The following DBNL variants were observed in gnomAD, a reference collection of about 807,000 sequenced individuals.
The protein encoded by DBNL is drebrin like.
Under a neutral mutation model 62.2 loss-of-function variants are expected in DBNL, and 35 were observed. The ratio of observed to expected loss-of-function variants is 0.56; its 90% CI spans 0.43 to 0.75. DBNL has a LOEUF of 0.75. Ranked by LOEUF, DBNL falls within the 30% of genes least tolerant of loss-of-function variation. The pLI is 0.00. For missense variants in DBNL, 495 were observed against 578.4 expected (o/e 0.86, Z 1.48); for synonymous variants, 197 against 218.0 (o/e 0.90, Z 0.85).
chr7:44,050,482 G>A (rs1011149829), intron 2 of DBNL: 1 of 494,504 alleles, frequency 2.0e-6, no homozygotes. Flanking sequence ...GTGCAGGGGA[G>A]TGCTTTCTCT....
Position 44,062,692 on chromosome 7 carries a change from G to C in DBNL, c.*1776G>C. ...GAGTCCCCACAGCTGATGGCGGTGT[G>C]AGCCTGGCATGCACGGCTGCGCTGG... is the stretch of plus-strand genomic sequence containing the variant. On this transcript the variant is annotated 3_prime_UTR_variant, in exon 13 of 13. Transcript: ENST00000448521. The C allele has an allele frequency of 6.6e-7, 1 of 1,521,186 alleles. No individual in the cohort carries two copies. 94.2% of individuals were successfully genotyped at this position (1,521,186 alleles called of 1,614,324 possible). A position where few individuals can be genotyped will look rare whatever the true frequency, so the allele number is the denominator to read the frequency against.
intron 1 of DBNL, 79 bp downstream of exon 1, chr7:44,044,899 GGGGAGC>G: frequency 7.6e-7 from 1 of 1,322,552 alleles, no homozygotes; most frequent in South Asian, 1.7e-5. Context: ...GGGGACTCGG[GGGGAGC>G]GGGAGCGCGA....
chr7:44,054,171 GT>G (rs539431440), intron 4 of DBNL, among the ~76,000 whole-genome samples: 2 of 151,868 alleles, frequency 1.3e-5, no homozygotes, highest in African/African-American at 4.8e-5. Context: ...TTTTATCAGA[GT>G]TTTTTTTAAT....
intron 1 of DBNL, among the ~76,000 whole-genome samples, chr7:44,048,294 G>T (rs2096120804): frequency 6.6e-6 from 1 of 152,246 alleles, no homozygotes; most frequent in Admixed American, 6.5e-5. Context: ...TCTTCTGGGA[G>T]CCAGGGCTTT....
chr7:44,060,220 G>T lies in DBNL; in HGVS notation c.1153+67G>T. On this transcript the variant is annotated intron_variant, in intron 12 of 12. Coordinates refer to ENST00000448521, the MANE Select transcript of DBNL (RefSeq NM_001014436.3). The surrounding 1 kb of genome is among the most constrained non-coding windows in gnomAD (Gnocchi z 6.3). ...GAGGTTAGGAGACAAGAGGGTCTGG[G>T]GTTTTATGGGAAGATGGCACCAGGG... The T allele has an allele frequency of 7.0e-7, 1 of 1,435,554 alleles. No individual in the cohort carries two copies. The allele number at this position is 1,435,554 out of a possible 1,614,324, so 88.9% of individuals were successfully genotyped here.
Position 44,064,631 on chromosome 7 carries a change from G to A in DBNL, c.*3715G>A. The A allele has an allele frequency of 1.6e-6, 1 of 614,952 alleles. No homozygotes were observed. The highest frequency in any genetic ancestry group is 2.9e-6 in the Non-Finnish European group (1 of 342,812). The allele number at this position is 614,952 out of a possible 1,614,324, so 38.1% of individuals were successfully genotyped here. A position where few individuals can be genotyped will look rare whatever the true frequency, so the allele number is the denominator to read the frequency against. On this transcript the variant is annotated 3_prime_UTR_variant, in exon 13 of 13. Transcript: ENST00000448521. Reference sequence around the variant, plus strand: ...CGAGCTTCGAGTGCAGTCAGCCCCTGTGGAGTGTGTCCCAGTTACACAGAA... The same window carrying A: ...CGAGCTTCGAGTGCAGTCAGCCCCTATGGAGTGTGTCCCAGTTACACAGAA...
At position 44,058,435 on chromosome 7, in the gene DBNL, G is replaced by C. The variant is rs200151625; in HGVS notation, c.708G>C (p.Thr236=). The change falls in exon 8 of 13, where the codon ACG becomes ACC. Residue 236 remains threonine (T), a synonymous_variant. Transcript: ENST00000448521. The stretch of plus-strand genomic sequence containing the variant: ...CCCACCCGGCCCTTCCCAGCAGGAC[G>C]TGGGAGCAGCAGCAAGAAGTGGTTT... ...EQGGEASPQR[T]WEQQQEVVSR... 6 of 1,614,230 alleles carry C rather than the reference G, an allele frequency of 3.7e-6. No homozygotes were observed. In the South Asian group the frequency reaches 6.6e-5, roughly 18 times the overall value.
chr7:44,058,914 C>T lies in DBNL; in HGVS notation c.766C>T (p.His256Tyr), dbSNP rs760023504. 1.9e-6 allele frequency: 3 copies of T among 1,613,874 alleles called. No homozygotes were observed. Among genetic ancestry groups the T allele is most frequent in the South Asian group, 1.1e-5 (1 of 91,060 alleles). Residue 256 changes from histidine to tyrosine, a missense_variant, in exon 9 of 13, where the codon CAC (histidine) becomes TAC (tyrosine). Transcript: ENST00000448521. ...TGCTTCCCTCCAGGAGTCTGCCGTG[C>T]ACCCGAGGGAGATTTTCAAGCAGAA... ...RNRNEQESAV[H>Y]PREIFKQKER...
At position 44,063,106 on chromosome 7, in the gene DBNL, C is replaced by T. The variant is rs556387079; in HGVS notation, c.*2190C>T. 4.4e-6 allele frequency: 3 copies of T among 686,066 alleles called. No individual in the cohort carries two copies. In the Admixed American group the frequency reaches 6.4e-5, roughly 15 times the overall value. The allele number at this position is 686,066 out of a possible 1,614,324, so 42.5% of individuals were successfully genotyped here. A position where few individuals can be genotyped will look rare whatever the true frequency, so the allele number is the denominator to read the frequency against. On this transcript the variant is annotated 3_prime_UTR_variant, in exon 13 of 13. Coordinates refer to ENST00000448521, the MANE Select transcript of DBNL (RefSeq NM_001014436.3). ...AGGTCAAGGAGTAACTGAGTTAGACCAAGCAGCCTACAGAAATAGCCCAGT... is the reference window on the plus strand; with the variant it reads ...AGGTCAAGGAGTAACTGAGTTAGACTAAGCAGCCTACAGAAATAGCCCAGT...
rs979933628 is a variant in DBNL, at chr7:44,064,375, G to A, written c.*3459G>A. ...CATGCAGGGATTCTGAGGACCTGAT[G>A]GGGGAGGGCCCTGCGAGGGGTCCAA... On this transcript the variant is annotated 3_prime_UTR_variant, in exon 13 of 13. Transcript: ENST00000448521. The A allele has an allele frequency of 9.0e-6, 2 of 223,348 alleles. No individual in the cohort carries two copies. The highest frequency in any genetic ancestry group is 4.6e-5 in the African/African-American group (2 of 43,232). The allele number at this position is 223,348 out of a possible 1,614,324, so 13.8% of individuals were successfully genotyped here.
In DBNL at chr7:44,065,132, T is replaced by C. The variant is rs750024442; in HGVS notation, c.*4216T>C. On this transcript the variant is annotated 3_prime_UTR_variant, in exon 13 of 13. Coordinates refer to ENST00000448521, the MANE Select transcript of DBNL (RefSeq NM_001014436.3). ...GCAGCCCACCTTGCTAATGGAGTTG[T>C]AGTAGGGGTGCTTCTCGTCCATCGG... 6.2e-7 allele frequency: 1 copy of C among 1,613,926 alleles called. No individual in the cohort carries two copies. The highest frequency in any genetic ancestry group is 1.1e-5 in the South Asian group (1 of 91,078).
Position 44,064,793 on chromosome 7 carries a change from G to GGCCCCCCCCCCCCCCCCCCCCCCAC in DBNL, c.*3877_*3878insGCCCCCCCCCCCCCCCCCCCCCCAC. Reference sequence around the variant, plus strand: ...AGATGAGAAGCCAGCTGGGGCTGCTGCCCACCCACCCTGCCCAGGCTCCTG... The same window carrying GGCCCCCCCCCCCCCCCCCCCCCCAC: ...AGATGAGAAGCCAGCTGGGGCTGCTGGCCCCCCCCCCCCCCCCCCCCCCACCCCACCCACCCTGCCCAGGCTCCTG... On this transcript the variant is annotated 3_prime_UTR_variant, in exon 13 of 13. Coordinates refer to ENST00000448521, the MANE Select transcript of DBNL (RefSeq NM_001014436.3). The GGCCCCCCCCCCCCCCCCCCCCCCAC allele has an allele frequency of 8.8e-7, 1 of 1,136,982 alleles. No individual in the cohort carries two copies. The highest frequency in any genetic ancestry group is 1.3e-6 in the Non-Finnish European group (1 of 773,400). 70.4% of individuals were successfully genotyped at this position (1,136,982 alleles called of 1,614,324 possible).
At position 44,062,867 on chromosome 7, in the gene DBNL, A is replaced by G; in HGVS notation, c.*1951A>G. 6.2e-7 allele frequency: 1 copy of G among 1,614,162 alleles called. No individual in the cohort carries two copies. Among genetic ancestry groups the G allele is most frequent in the Non-Finnish European group, 8.5e-7 (1 of 1,180,016 alleles). On this transcript the variant is annotated 3_prime_UTR_variant, in exon 13 of 13. Coordinates refer to ENST00000448521, the MANE Select transcript of DBNL (RefSeq NM_001014436.3). ...CTTGGTGGGCTTCAGCTCCTTGTTC[A>G]GCTCATACACAATGGGGATCCCCGT...
rs923267503 is a variant in DBNL at position 44,059,713 on chromosome 7, T to A, written c.1047+55T>A. ...GAAGGGGCTGCATACTCAGGAACACTTATCACGGGCCGCCTGAGTTTTCTG... is the reference window on the plus strand; with the variant it reads ...GAAGGGGCTGCATACTCAGGAACACATATCACGGGCCGCCTGAGTTTTCTG... On this transcript the variant is annotated intron_variant, in intron 11 of 12. Coordinates refer to ENST00000448521, the MANE Select transcript of DBNL (RefSeq NM_001014436.3). This position sits in a 1 kb window ranked among gnomAD's most constrained non-coding sequence, Gnocchi z 4.1. 1 of 1,486,196 alleles carries A rather than the reference T, an allele frequency of 6.7e-7. No individual in the cohort carries two copies. Among genetic ancestry groups the A allele is most frequent in the African/African-American group, 1.4e-5 (1 of 71,734 alleles). The allele number at this position is 1,486,196 out of a possible 1,614,324, so 92.1% of individuals were successfully genotyped here.
Position 44,064,485 on chromosome 7 carries a change from C to T in DBNL, c.*3569C>T, listed in dbSNP as rs978013582. ...AGGCCCAGAGATGGAGGTGGCTTGTCCAGGGCCCCACAGTAAGTTGGGATT... is the reference window on the plus strand; with the variant it reads ...AGGCCCAGAGATGGAGGTGGCTTGTTCAGGGCCCCACAGTAAGTTGGGATT... On this transcript the variant is annotated 3_prime_UTR_variant, in exon 13 of 13. Transcript: ENST00000448521. 2.7e-6 allele frequency: 1 copy of T among 369,140 alleles called. No individual in the cohort carries two copies. The highest frequency in any genetic ancestry group is 3.9e-5 in the Admixed American group (1 of 25,522). 22.9% of individuals were successfully genotyped at this position (369,140 alleles called of 1,614,324 possible). A position where few individuals can be genotyped will look rare whatever the true frequency, so the allele number is the denominator to read the frequency against.
intron 4 of DBNL, among the ~76,000 whole-genome samples, chr7:44,053,218 C>T (rs2128791506): frequency 6.6e-6 from 1 of 152,262 alleles, no homozygotes; most frequent in Admixed American, 6.5e-5. Context: ...GAAGGGTGGG[C>T]CCTGGTTCTG....
At chr7:44,058,560 C>G in intron 8 of DBNL, 80 bp downstream of exon 8, 2 of 1,556,380 alleles carry the variant, frequency 1.3e-6, no homozygotes, top group Non-Finnish European at 8.7e-7. Context: ...AGGGCCCAGC[C>G]CAGACCTGGG....
At chr7:44,056,172 G>T (rs191939095) in intron 4 of DBNL, among the ~76,000 whole-genome samples, 90 of 152,120 alleles carry the variant, frequency 5.9e-4, no homozygotes, top group Admixed American at 3.7e-3. Context: ...GAAGGAGACC[G>T]TCCTTTCCCC....
At chr7:44,054,528 AT>A (rs1209257077) in intron 4 of DBNL, among the ~76,000 whole-genome samples, 33 of 152,268 alleles carry the variant, frequency 2.2e-4, no homozygotes, top group African/African-American at 7.7e-4. Flanking sequence ...ATAGTTGTAC[AT>A]ATTTTTTGCA....
Sources: allele counts gnomAD v4.1 joint callset (sites outside exome capture counted in the v4.1 genomes callset), GRCh38; gene constraint gnomAD v4.1.1; non-coding constraint Gnocchi (gnomAD v3.1); transcripts MANE v1.5; gene names NCBI Gene and HGNC (gene_info 2026-07-23, HGNC 2026-07-21).